Variants in INPP4B observed in about 807,000 individuals in gnomAD.
INPP4B encodes inositol polyphosphate-4-phosphatase type II B, also known as inositol polyphosphate 4-phosphatase type II.
A neutral mutation model predicts 122.5 loss-of-function variants in INPP4B; 55 were observed. The observed-to-expected ratio is 0.45, with a 90% CI of 0.36 to 0.56. The LOEUF (loss-of-function observed/expected upper bound fraction) is 0.56. Among genes scored for constraint, INPP4B ranks in the 20% least tolerant of loss-of-function variants. The pLI is 0.00. For missense variants in INPP4B, 1,000 were observed against 1,097.7 expected (o/e 0.91, Z 1.26); for synonymous variants, 403 against 388.7 (o/e 1.04, Z -0.43).
intron 1 of INPP4B, among the ~76,000 whole-genome samples, chr4:142,784,680 C>A (rs1437707162): frequency 6.6e-6 from 1 of 152,044 alleles, no homozygotes; most frequent in Non-Finnish European, 1.5e-5. Context: ...TAGACTTTAC[C>A]TCCAGGAACC....
At chr4:142,353,157 C>T (rs1782442783) in intron 7 of INPP4B, among the ~76,000 whole-genome samples, 1 of 151,916 alleles carries the variant, frequency 6.6e-6, no homozygotes, top group Admixed American at 6.6e-5. Context: ...ATTAATGAGG[C>T]GCAGCTGTGA....
intron 7 of INPP4B, among the ~76,000 whole-genome samples, chr4:142,327,880 A>G (rs903996078): frequency 4.3e-4 from 66 of 152,320 alleles, no homozygotes; most frequent in African/African-American, 1.5e-3. Context: ...GGAGGAGGGA[A>G]TATTTCAACT....
At chr4:142,119,645 G>A (rs530059631) in intron 21 of INPP4B, among the ~76,000 whole-genome samples, 5 of 150,718 alleles carry the variant, frequency 3.3e-5, no homozygotes, top group African/African-American at 1.2e-4. Context: ...GGAGTCTGTC[G>A]TGGGGTGGGG....
chr4:142,519,317 T>C (rs1046833052), intron 2 of INPP4B, among the ~76,000 whole-genome samples: 1 of 152,200 alleles, frequency 6.6e-6, no homozygotes, highest in African/African-American at 2.4e-5. Flanking sequence ...AAATATCACA[T>C]GTTTAATCTT....
chr4:142,252,265 T>G (rs1732610371), intron 11 of INPP4B, among the ~76,000 whole-genome samples: 1 of 149,032 alleles, frequency 6.7e-6, no homozygotes, highest in Non-Finnish European at 1.5e-5. Flanking sequence ...CTCGGCTCAC[T>G]GCAAGCTCCG....
At chr4:142,407,085 G>A (rs992938553) in intron 5 of INPP4B, among the ~76,000 whole-genome samples, 8 of 152,084 alleles carry the variant, frequency 5.3e-5, no homozygotes, top group African/African-American at 1.9e-4. Flanking sequence ...ACGTATCACC[G>A]GAAGGAAAGA....
intron 2 of INPP4B, among the ~76,000 whole-genome samples, chr4:142,589,070 C>T (rs1736862188): frequency 6.6e-6 from 1 of 151,650 alleles, no homozygotes; most frequent in Non-Finnish European, 1.5e-5. Context: ...GATTTTTTTC[C>T]AAAGAAACAG....
At chr4:142,211,705 T>G (rs766301011) in intron 12 of INPP4B, among the ~76,000 whole-genome samples, 5 of 152,242 alleles carry the variant, frequency 3.3e-5, no homozygotes, top group Non-Finnish European at 7.3e-5. Context: ...GTCAGTTGCT[T>G]GCCATACTCT....
chr4:142,490,466 G>A (rs567316859), intron 2 of INPP4B, among the ~76,000 whole-genome samples: 8 of 152,140 alleles, frequency 5.3e-5, no homozygotes, highest in African/African-American at 1.7e-4. Context: ...CATTTATGGT[G>A]TAAAATATGA....
Position 142,122,153 on chromosome 4 carries a change from C to G in INPP4B, c.2110G>C (p.Val704Leu). Residue 704 changes from valine (V) to leucine (L), a missense_variant, in exon 21 of 26, where the codon GTG becomes CTG. Val to Leu is a conservative substitution (Grantham distance 32). Coordinates refer to ENST00000262992, the MANE Select transcript of INPP4B (RefSeq NM_001101669.3). ...FKIIEAKSNDVLPVITGRREH... is the reference protein window; with the variant it reads ...FKIIEAKSNDLLPVITGRREH... The stretch of plus-strand genomic sequence containing the variant: ...CGTCTTCCTGTTATAACTGGCAACA[C>G]ATCATTGGATTTGGCTTCAATTATT... The G allele has an allele frequency of 6.2e-7, 1 of 1,610,840 alleles. No homozygotes were observed. The highest frequency in any genetic ancestry group is 8.5e-7 in the Non-Finnish European group (1 of 1,178,184).
intron 25 of INPP4B, chr4:142,030,125 A>T (rs1222544861): frequency 6.5e-7 from 1 of 1,529,776 alleles, no homozygotes; most frequent in Admixed American, 2.0e-5. Flanking sequence ...TACAACATAA[A>T]ACTTATTGGT....
chr4:142,657,310 G>A (rs188273966), intron 2 of INPP4B, among the ~76,000 whole-genome samples: 74 of 152,256 alleles, frequency 4.9e-4, no homozygotes, highest in African/African-American at 1.7e-3. Flanking sequence ...TCAGATGCAA[G>A]GTTTGTTAAG....
chr4:142,376,916 T>A (rs1792101784), intron 7 of INPP4B, among the ~76,000 whole-genome samples: 1 of 152,140 alleles, frequency 6.6e-6, no homozygotes, highest in African/African-American at 2.4e-5. Context: ...ATTAATGAAG[T>A]TTTAAATCAT....
intron 7 of INPP4B, among the ~76,000 whole-genome samples, chr4:142,391,454 T>C (rs958990414): frequency 6.6e-6 from 1 of 152,044 alleles, no homozygotes; most frequent in African/African-American, 2.4e-5. Context: ...CCCAGTTACT[T>C]GGGAGTCTGA....
At chr4:142,383,102 T>C (rs1036284248) in intron 7 of INPP4B, among the ~76,000 whole-genome samples, 2 of 152,144 alleles carry the variant, frequency 1.3e-5, no homozygotes, top group African/African-American at 2.4e-5. Flanking sequence ...ATAGATGTAC[T>C]GATATTAAGC....
At chr4:142,479,956 T>C (rs1014978729) in intron 2 of INPP4B, among the ~76,000 whole-genome samples, 1 of 152,102 alleles carries the variant, frequency 6.6e-6, no homozygotes, top group South Asian at 2.1e-4. Flanking sequence ...GAACCTAAAA[T>C]AAAAGTTAAG....
chr4:142,202,480 T>C (rs1327844664), intron 14 of INPP4B, among the ~76,000 whole-genome samples: 5 of 152,104 alleles, frequency 3.3e-5, no homozygotes, highest in Admixed American at 2.6e-4. Flanking sequence ...CGTTATTAAA[T>C]ACATCTAACA....
chr4:142,217,865 T>C lies in INPP4B; in HGVS notation c.837-8839A>G, dbSNP rs937769750. Among the ~76,000 whole-genome samples, 6 of 152,320 alleles carry C rather than the reference T, an allele frequency of 3.9e-5. No individual in the cohort carries two copies. In the South Asian group the frequency reaches 1.0e-3, roughly 26 times the overall value. On this transcript the variant is annotated intron_variant, in intron 12 of 25. Coordinates refer to ENST00000262992, the MANE Select transcript of INPP4B (RefSeq NM_001101669.3). Reference sequence around the variant, plus strand: ...CCAAGTAAGAGAGGAATCTCCTGCCTGACTGCCTTCAAACTGAGACTTTGC... The same window carrying C: ...CCAAGTAAGAGAGGAATCTCCTGCCCGACTGCCTTCAAACTGAGACTTTGC...
intron 2 of INPP4B, among the ~76,000 whole-genome samples, chr4:142,475,380 C>T (rs1819637119): frequency 6.6e-6 from 1 of 151,954 alleles, no homozygotes; most frequent in Non-Finnish European, 1.5e-5. Context: ...TATCAGCTCA[C>T]ACAGATGAGA....
Sources: allele counts gnomAD v4.1 joint callset (sites outside exome capture counted in the v4.1 genomes callset), GRCh38; gene constraint gnomAD v4.1.1; transcripts MANE v1.5; gene names NCBI Gene and HGNC (gene_info 2026-07-23, HGNC 2026-07-21).